The following PDGFRL variants were observed in gnomAD, a reference collection of about 807,000 sequenced individuals.
PDGFRL encodes the protein platelet-derived growth factor receptor-like protein.
Under a neutral mutation model 37.2 loss-of-function variants are expected in PDGFRL, and 46 were observed. The ratio of observed to expected loss-of-function variants is 1.24; its 90% CI spans 0.98 to 1.58. The LOEUF (loss-of-function observed/expected upper bound fraction) is 1.58. Among genes scored for constraint, PDGFRL ranks in the 40% most tolerant of loss-of-function variants. The probability of loss-of-function intolerance (pLI) is 0.00; values close to 1 mark genes in which losing one functional copy is unlikely to be tolerated. For missense variants in PDGFRL, 692 were observed against 467.6 expected, an observed-to-expected ratio of 1.48 and a Z score of -4.43; for synonymous variants, 251 against 184.3, an observed-to-expected ratio of 1.36 and a Z score of -2.93.
intron 2 of PDGFRL, among the ~76,000 whole-genome samples, chr8:17,605,913 C>G (rs1162016720): frequency 1.3e-5 from 2 of 152,098 alleles, no homozygotes; most frequent in Non-Finnish European, 2.9e-5. Context: ...GGGAGGGCAT[C>G]GGGCTTTTCA....
intron 4 of PDGFRL, among the ~76,000 whole-genome samples, chr8:17,631,984 C>T (rs748409225): frequency 9.9e-5 from 15 of 152,268 alleles, no homozygotes; most frequent in Non-Finnish European, 1.6e-4. Context: ...TCCACGTGTC[C>T]GCCGTCCACC....
intron 2 of PDGFRL, among the ~76,000 whole-genome samples, chr8:17,598,558 G>A (rs1012116305): frequency 5.3e-5 from 8 of 152,194 alleles, no homozygotes; most frequent in Non-Finnish European, 1.0e-4. Flanking sequence ...TAATTACTGA[G>A]TACTGATGTG....
At chr8:17,602,942 A>G (rs1804196982) in intron 2 of PDGFRL, among the ~76,000 whole-genome samples, 1 of 152,214 alleles carries the variant, frequency 6.6e-6, no homozygotes, top group Non-Finnish European at 1.5e-5. Context: ...GTTGTATTTT[A>G]AACAGTATAG....
intron 5 of PDGFRL, among the ~76,000 whole-genome samples, chr8:17,641,597 A>G (rs1046806242): frequency 1.3e-5 from 2 of 152,242 alleles, no homozygotes; most frequent in Non-Finnish European, 2.9e-5. Flanking sequence ...CTGTGAGGCC[A>G]GAGATAATTT....
rs535437034 is a variant in PDGFRL at position 17,604,665 on chromosome 8, G to A, written c.353+14900G>A. ...ACGAGTTAATGGGTGCAGCATACCAGCATGGCACATGTATACATATGTAAC... is the reference window on the plus strand; with the variant it reads ...ACGAGTTAATGGGTGCAGCATACCAACATGGCACATGTATACATATGTAAC... On this transcript the variant is annotated intron_variant, in intron 2 of 5. Coordinates refer to ENST00000251630, the MANE Select transcript of PDGFRL (RefSeq NM_001372073.1). 3.9e-5 allele frequency among the ~76,000 whole-genome samples: 6 copies of A among 152,102 alleles called. No homozygotes were observed. In the South Asian group the frequency reaches 1.2e-3, roughly 32 times the overall value.
intron 2 of PDGFRL, among the ~76,000 whole-genome samples, chr8:17,600,379 A>G (rs533861261): frequency 6.6e-6 from 1 of 152,102 alleles, no homozygotes; most frequent in African/African-American, 2.4e-5. Flanking sequence ...TCTTCCAGAC[A>G]TTGAATGTTG....
At chr8:17,587,290 A>T (rs1803838189) in intron 1 of PDGFRL, among the ~76,000 whole-genome samples, 1 of 152,196 alleles carries the variant, frequency 6.6e-6, no homozygotes, top group Non-Finnish European at 1.5e-5. Context: ...CCAAAATCAG[A>T]TAATCTCATG....
chr8:17,635,999 T>C (rs1804963658), intron 5 of PDGFRL, among the ~76,000 whole-genome samples: 1 of 152,272 alleles, frequency 6.6e-6, no homozygotes, highest in African/African-American at 2.4e-5. Context: ...TTGAGTTCCT[T>C]GTAGATTCTG....
In PDGFRL at chr8:17,589,451, C is replaced by G. The variant is rs1428740769; in HGVS notation, c.56-17C>G. ...TGTCATTACTACAGCGCATTTCTCT[C>G]TCCTTACGTTTTGCAGTTACTGGCC... On this transcript the variant is annotated splice_polypyrimidine_tract_variant and intron_variant, in intron 1 of 5. Coordinates refer to ENST00000251630, the MANE Select transcript of PDGFRL (RefSeq NM_001372073.1). 1.3e-6 allele frequency: 2 copies of G among 1,594,712 alleles called. No individual in the cohort carries two copies. Among genetic ancestry groups the G allele is most frequent in the Non-Finnish European group, 1.7e-6 (2 of 1,167,390 alleles).
intron 5 of PDGFRL, among the ~76,000 whole-genome samples, chr8:17,641,583 G>C (rs1014031066): frequency 6.6e-6 from 1 of 152,168 alleles, no homozygotes. Context: ...ACGCCAAAAA[G>C]GTGCTGTGAG....
At chr8:17,597,451 C>A (rs1179733909) in intron 2 of PDGFRL, among the ~76,000 whole-genome samples, 1 of 152,152 alleles carries the variant, frequency 6.6e-6, no homozygotes, top group Non-Finnish European at 1.5e-5. Context: ...CCTACAAAAG[C>A]AGGCCAACAG....
At chr8:17,629,534 CCTT>C (rs750081751) in intron 4 of PDGFRL, among the ~76,000 whole-genome samples, 24 of 152,158 alleles carry the variant, frequency 1.6e-4, no homozygotes, top group African/African-American at 2.2e-4. Flanking sequence ...CATTCTCTGC[CCTT>C]CTGTTGGGAA....
intron 3 of PDGFRL, among the ~76,000 whole-genome samples, chr8:17,623,072 C>A (rs540806060): frequency 1.3e-4 from 20 of 152,178 alleles, no homozygotes. Context: ...TCCACAACAT[C>A]CCTGGGAAAT....
intron 5 of PDGFRL, among the ~76,000 whole-genome samples, chr8:17,634,665 G>A (rs1804933336): frequency 6.6e-6 from 1 of 152,138 alleles, no homozygotes; most frequent in South Asian, 2.1e-4. Flanking sequence ...CATGTCCTTT[G>A]CAGGAACACA....
chr8:17,618,704 G>T (rs1804576172), intron 2 of PDGFRL, among the ~76,000 whole-genome samples: 1 of 152,082 alleles, frequency 6.6e-6, no homozygotes, highest in Non-Finnish European at 1.5e-5. Flanking sequence ...TTCCATCACT[G>T]GTTTAACTCA....
At position 17,642,938 on chromosome 8, in the gene PDGFRL, C is replaced by G. The variant is rs1805180994; in HGVS notation, c.*137C>G. On this transcript the variant is annotated 3_prime_UTR_variant, in exon 6 of 6. Coordinates refer to ENST00000251630, the MANE Select transcript of PDGFRL (RefSeq NM_001372073.1). ...CAACCCCAGCGTCTCGTGAGTCCGA[C>G]CCAGACATCCAAACTAAAAGGAAGT... The G allele has an allele frequency of 1.7e-6, 1 of 601,170 alleles. No individual in the cohort carries two copies. The highest frequency in any genetic ancestry group is 1.9e-5 in the African/African-American group (1 of 53,592). The allele number at this position is 601,170 out of a possible 1,614,324, so 37.2% of individuals were successfully genotyped here.
chr8:17,611,861 A>T (rs1208941288), intron 2 of PDGFRL, among the ~76,000 whole-genome samples: 1 of 152,198 alleles, frequency 6.6e-6, no homozygotes, highest in African/African-American at 2.4e-5. Flanking sequence ...CAGAGGAGAA[A>T]TGAGAGAGTC....
intron 2 of PDGFRL, among the ~76,000 whole-genome samples, chr8:17,596,690 C>T (rs1347862847): frequency 1.3e-5 from 2 of 152,152 alleles, no homozygotes; most frequent in Non-Finnish European, 2.9e-5. Flanking sequence ...AGTGTTCATT[C>T]GAAGCACAGC....
intron 4 of PDGFRL, 128 bp from the exon 5 acceptor site, chr8:17,633,946 G>A (rs901527208): frequency 3.6e-5 from 33 of 924,666 alleles, no homozygotes; most frequent in African/African-American, 1.3e-4. Context: ...CACTGTCCTC[G>A]CACTGGTCAG....
Sources: gnomAD v4.1 joint callset for allele counts (sites outside exome capture counted in the v4.1 genomes callset) on GRCh38, gnomAD v4.1.1 for gene constraint, MANE v1.5 for transcripts, NCBI Gene and HGNC (gene_info 2026-07-23, HGNC 2026-07-21) for gene names.